UTP4: variants seen among roughly 807,000 people sequenced by gnomAD.
The protein encoded by UTP4 is U3 small nucleolar RNA-associated protein 4 homolog.
Under a neutral mutation model 82.4 loss-of-function variants are expected in UTP4, and 45 were observed. The observed-to-expected ratio is 0.55, with a 90% CI of 0.43 to 0.70. UTP4 has a LOEUF of 0.70. Among genes scored for constraint, UTP4 ranks in the 30% least tolerant of loss-of-function variants. The pLI, the probability that UTP4 is intolerant of heterozygous loss-of-function variation, is 0.00. For missense variants in UTP4, 819 were observed against 858.3 expected, an observed-to-expected ratio of 0.95 and a Z score of 0.57; for synonymous variants, 348 against 300.3, an observed-to-expected ratio of 1.16 and a Z score of -1.64.
intron 13 of UTP4, among the ~76,000 whole-genome samples, chr16:69,162,265 C>G (rs1963582686): frequency 6.6e-6 from 1 of 151,296 alleles, no homozygotes; most frequent in African/African-American, 2.4e-5. Context: ...CTGCGCCCGG[C>G]CAACCAATAG....
chr16:69,139,138 T>C (rs1962890811), intron 4 of UTP4: 1 of 151,428 alleles, frequency 6.6e-6, no homozygotes, highest in Admixed American at 6.6e-5. Flanking sequence ...CCGGCTAGTT[T>C]TTGTGTTTTT....
chr16:69,136,680 T>C lies in UTP4; in HGVS notation c.160-16T>C, dbSNP rs751304912. On this transcript the variant is annotated splice_polypyrimidine_tract_variant and intron_variant, in intron 2 of 16. Coordinates refer to ENST00000314423, the MANE Select transcript of UTP4 (RefSeq NM_032830.3). ...TGAATTTGTGGTAATGTTGAGAAGT[T>C]ATGGTGTTTCTGCAGTTTTTCCCAG... The C allele has an allele frequency of 1.9e-6, 3 of 1,613,768 alleles. No individual in the cohort carries two copies. In the Admixed American group the frequency reaches 5.0e-5, roughly 27 times the overall value.
At chr16:69,160,658 G>A (rs1016529074) in intron 13 of UTP4, among the ~76,000 whole-genome samples, 196 bp downstream of exon 13, 3 of 148,228 alleles carry the variant, frequency 2.0e-5, no homozygotes, top group Non-Finnish European at 4.4e-5. Flanking sequence ...GTGCAGTGGC[G>A]CGATCTCGGC....
chr16:69,141,020 C>T (rs998985107), intron 5 of UTP4, among the ~76,000 whole-genome samples: 25 of 152,026 alleles, frequency 1.6e-4, no homozygotes, highest in African/African-American at 2.2e-4. Context: ...CTTTCTTTTC[C>T]GGTATACTTA....
intron 14 of UTP4, among the ~76,000 whole-genome samples, chr16:69,164,920 G>A (rs1963661622): frequency 1.3e-5 from 2 of 152,158 alleles, no homozygotes; most frequent in Admixed American, 1.3e-4. Flanking sequence ...GATGGGCAGG[G>A]CGCGGTGGCT....
intron 14 of UTP4, among the ~76,000 whole-genome samples, chr16:69,164,594 A>ATATATATATATATATATATATATG (rs1963651154): frequency 4.9e-5 from 6 of 123,586 alleles, no homozygotes; most frequent in Admixed American, 8.2e-5. Flanking sequence ...CTTTATATAT[A>ATATATATATATATATATATATATG]TATATATATA....
intron 11 of UTP4, among the ~76,000 whole-genome samples, chr16:69,156,825 CAGGCAATAA>C (rs1567378232): frequency 1.3e-5 from 2 of 152,232 alleles, no homozygotes; most frequent in African/African-American, 4.8e-5. Context: ...TAATGCCCTA[CAGGCAATAA>C]AATTAAAGCT....
At chr16:69,135,646 GTTGAGGCTACA>G (rs1298865713) in intron 2 of UTP4, among the ~76,000 whole-genome samples, 2 of 152,150 alleles carry the variant, frequency 1.3e-5, no homozygotes, top group African/African-American at 2.4e-5. Context: ...AGCTCAGGAG[GTTGAGGCTACA>G]TTGAGCCAAG....
Position 69,134,461 on chromosome 16 carries a change from C to T in UTP4, c.159+843C>T, listed in dbSNP as rs547569223. On this transcript the variant is annotated intron_variant, in intron 2 of 16. Transcript: ENST00000314423. ...AACCTGTAAAATAAATATGATAAAC[C>T]GAAACACAGGCATAGAACCTTCATT... Among the ~76,000 whole-genome samples the T allele has an allele frequency of 3.3e-5, 5 of 150,918 alleles. No homozygotes were observed. The South Asian group carries it at 6.3e-4, about 19-fold the overall frequency.
intron 6 of UTP4, among the ~76,000 whole-genome samples, chr16:69,145,152 T>TAAA (rs925433524): frequency 6.7e-6 from 1 of 149,336 alleles, no homozygotes; most frequent in African/African-American, 2.5e-5. Context: ...CAAATAACAA[T>TAAA]AATAATAATA....
At chr16:69,150,992 T>C in intron 8 of UTP4, 88 bp downstream of exon 8, 1 of 1,010,718 alleles carries the variant, frequency 9.9e-7, no homozygotes, top group Non-Finnish European at 1.5e-6. Context: ...CAGCTCACGC[T>C]CGGCAAATTT....
At chr16:69,166,324 A>G (rs1687283483) in intron 15 of UTP4, 1 of 153,136 alleles carries the variant, frequency 6.5e-6, no homozygotes, top group Non-Finnish European at 1.5e-5. Flanking sequence ...GGGATGTGTC[A>G]CTGGAATCAT....
chr16:69,153,743 G>T (rs1963338896), intron 9 of UTP4, 63 bp downstream of exon 9: 1 of 1,136,572 alleles, frequency 8.8e-7, no homozygotes, highest in Middle Eastern at 1.9e-4. Flanking sequence ...AATCAGAATT[G>T]CGGTTGGAAT....
chr16:69,168,934 C>T lies in UTP4; in HGVS notation c.2058C>T (p.Thr686=). The part of the protein sequence containing the change: ...PPPIKKKKFG[T] Reference sequence around the variant, plus strand: ...CCATTAAAAAGAAGAAATTTGGAACCTAAAACAGGGCACTGTCTGTGTCCT... The same window carrying T: ...CCATTAAAAAGAAGAAATTTGGAACTTAAAACAGGGCACTGTCTGTGTCCT... The change falls in exon 17 of 17, where the codon ACC becomes ACT. Residue 686 remains threonine, a synonymous_variant. Coordinates refer to ENST00000314423, the MANE Select transcript of UTP4 (RefSeq NM_032830.3). 3 of 1,589,100 alleles carry T rather than the reference C, an allele frequency of 1.9e-6. No individual in the cohort carries two copies. Among genetic ancestry groups the T allele is most frequent in the Non-Finnish European group, 2.6e-6 (3 of 1,157,154 alleles).
intron 12 of UTP4, 40 bp downstream of exon 12, chr16:69,157,280 T>C (rs372289803): frequency 1.1e-5 from 17 of 1,608,392 alleles, no homozygotes; most frequent in Non-Finnish European, 1.4e-5. Flanking sequence ...ACTTGTCGTG[T>C]CTAAGATGTA....
chr16:69,141,333 C>T (rs951434948), intron 5 of UTP4, among the ~76,000 whole-genome samples: 2 of 152,218 alleles, frequency 1.3e-5, no homozygotes, highest in African/African-American at 4.8e-5. Context: ...TTGGTGGATC[C>T]TGAGTAAGAG....
At chr16:69,141,635 A>G (rs925943960) in intron 5 of UTP4, among the ~76,000 whole-genome samples, 5 of 152,006 alleles carry the variant, frequency 3.3e-5, no homozygotes, top group South Asian at 4.2e-4. Flanking sequence ...TCTGGGGGGA[A>G]ATTCTTTTAC....
intron 15 of UTP4, 147 bp downstream of exon 15, chr16:69,165,673 G>A: frequency 1.3e-6 from 1 of 752,282 alleles, no homozygotes; most frequent in Non-Finnish European, 2.3e-6. Flanking sequence ...TCTTGGAGGA[G>A]AGGGGCTTTT....
In UTP4 at chr16:69,159,907, G is replaced by C. The variant is rs1184855321; in HGVS notation, c.1445-449G>C. 3.3e-5 allele frequency among the ~76,000 whole-genome samples: 5 copies of C among 150,708 alleles called. No individual in the cohort carries two copies. In the South Asian group the frequency reaches 1.0e-3, roughly 32 times the overall value. ...GGAGGCTGAGGCGGGTGAATCACTT[G>C]AATTTGGGAGTTGGAGGTTGGAGTG... On this transcript the variant is annotated intron_variant, in intron 12 of 16. Transcript: ENST00000314423.
Sources: gnomAD v4.1 joint callset for allele counts (sites outside exome capture counted in the v4.1 genomes callset) on GRCh38, gnomAD v4.1.1 for gene constraint, MANE v1.5 for transcripts, NCBI Gene and HGNC (gene_info 2026-07-23, HGNC 2026-07-21) for gene names.